Variants in SLC4A10 observed in about 807,000 individuals in gnomAD.
SLC4A10 encodes the protein solute carrier family 4 member 10.
SLC4A10 carries 42 observed loss-of-function variants against 137.7 expected under a neutral mutation model. The observed-to-expected ratio is 0.30, with a 90% CI of 0.24 to 0.39. SLC4A10 has a LOEUF of 0.39. Ranked by LOEUF, SLC4A10 falls within the 10% of genes least tolerant of loss-of-function variation. The probability of loss-of-function intolerance (pLI) is 1.00; values close to 1 mark genes in which losing one functional copy is unlikely to be tolerated. For missense variants in SLC4A10, 925 were observed against 1,355.0 expected (o/e 0.68, Z 4.98); for synonymous variants, 474 against 464.1 (o/e 1.02, Z -0.27).
At chr2:161,801,956 A>T (rs183879036) in intron 2 of SLC4A10, among the ~76,000 whole-genome samples, 115 of 152,254 alleles carry the variant, frequency 7.6e-4, no homozygotes, top group Non-Finnish European at 1.5e-3. Context: ...TGTTTCTCAC[A>T]TAATATAACT....
intron 1 of SLC4A10, among the ~76,000 whole-genome samples, chr2:161,767,645 T>C (rs1056358878): frequency 2.0e-5 from 3 of 152,012 alleles, no homozygotes. Flanking sequence ...TTTGCCTTGG[T>C]CATCTGAAAT....
intron 1 of SLC4A10, among the ~76,000 whole-genome samples, chr2:161,731,148 G>A (rs908136662): frequency 6.6e-6 from 1 of 152,144 alleles, no homozygotes; most frequent in Non-Finnish European, 1.5e-5. Flanking sequence ...TAGGTATTCT[G>A]AGAGTAAATG....
At chr2:161,886,735 G>GA (rs1480412367) in intron 10 of SLC4A10, among the ~76,000 whole-genome samples, 3 of 151,880 alleles carry the variant, frequency 2.0e-5, no homozygotes, top group Non-Finnish European at 4.4e-5. Context: ...CAATCAGGAA[G>GA]AAAAAAATTG....
intron 1 of SLC4A10, among the ~76,000 whole-genome samples, chr2:161,663,529 A>G (rs557450169): frequency 1.3e-5 from 2 of 152,202 alleles, no homozygotes; most frequent in East Asian, 3.9e-4. Flanking sequence ...ATTATCAAAC[A>G]CTCCCTTTTA....
intron 1 of SLC4A10, among the ~76,000 whole-genome samples, chr2:161,766,586 G>A (rs1022947393): frequency 3.3e-5 from 5 of 152,022 alleles, no homozygotes; most frequent in African/African-American, 1.2e-4. Context: ...GCACCTCAGA[G>A]GGCAGAGATT....
At chr2:161,631,790 T>C (rs1008186328) in intron 1 of SLC4A10, among the ~76,000 whole-genome samples, 2 of 151,710 alleles carry the variant, frequency 1.3e-5, no homozygotes, top group South Asian at 2.1e-4. Context: ...CAAATTCATG[T>C]TGAATTCCAA....
chr2:161,788,100 G>T (rs1229361562), intron 2 of SLC4A10, among the ~76,000 whole-genome samples: 2 of 150,866 alleles, frequency 1.3e-5, no homozygotes, highest in African/African-American at 4.9e-5. Context: ...TCCCTTGAGG[G>T]TATGACTGTG....
chr2:161,854,502 C>T (rs2059994346), intron 4 of SLC4A10, among the ~76,000 whole-genome samples: 1 of 152,036 alleles, frequency 6.6e-6, no homozygotes, highest in African/African-American at 2.4e-5. Context: ...ATGCAACAGG[C>T]CCCTAATTAT....
chr2:161,649,026 C>A (rs1327490306), intron 1 of SLC4A10, among the ~76,000 whole-genome samples: 1 of 152,020 alleles, frequency 6.6e-6, no homozygotes, highest in African/African-American at 2.4e-5. Flanking sequence ...AATTTTTATG[C>A]AGTTTTTGAG....
At chr2:161,971,242 G>A (rs1698470477) in intron 23 of SLC4A10, among the ~76,000 whole-genome samples, 2 of 152,174 alleles carry the variant, frequency 1.3e-5, no homozygotes, top group Admixed American at 1.3e-4. Flanking sequence ...GAGTAGATTT[G>A]TTTTTCTAAG....
Position 161,796,051 on chromosome 2 carries a change from C to A in SLC4A10, c.131-8398C>A, listed in dbSNP as rs75805347. 3.3e-5 allele frequency among the ~76,000 whole-genome samples: 5 copies of A among 152,120 alleles called. No homozygotes were observed. In the East Asian group the frequency reaches 9.7e-4, roughly 29 times the overall value. ...GATTCTTGGTTCTTAATTTGCCTGC[C>A]CATTGAGATATTGGTCATAAGTTAA... On this transcript the variant is annotated intron_variant, in intron 2 of 26. Coordinates refer to ENST00000446997, the MANE Select transcript of SLC4A10 (RefSeq NM_001178015.2).
chr2:161,883,960 A>T (rs1006393368), intron 10 of SLC4A10, among the ~76,000 whole-genome samples: 2 of 152,132 alleles, frequency 1.3e-5, no homozygotes, highest in African/African-American at 4.8e-5. Context: ...ATAAGGCCAC[A>T]TTCTGCGGCT....
At position 161,983,194 on chromosome 2, in the gene SLC4A10, A is replaced by G. The variant is rs1454612708; in HGVS notation, c.*42A>G. On this transcript the variant is annotated 3_prime_UTR_variant, in exon 27 of 27. Coordinates refer to ENST00000446997, the MANE Select transcript of SLC4A10 (RefSeq NM_001178015.2). ...CCTTCTGTAGCATTGAAAGCCGAAA[A>G]GAGAAGAAAGCTGACTCAGGGAAAG... The G allele has an allele frequency of 6.5e-7, 1 of 1,536,792 alleles. No homozygotes were observed. Among genetic ancestry groups the G allele is most frequent in the Non-Finnish European group, 8.7e-7 (1 of 1,147,038 alleles).
intron 16 of SLC4A10, among the ~76,000 whole-genome samples, chr2:161,945,302 A>G (rs1285726035): frequency 6.7e-6 from 1 of 148,862 alleles, no homozygotes; most frequent in Non-Finnish European, 1.5e-5. Flanking sequence ...ATTCATAAGC[A>G]GTTAACCAGC....
intron 20 of SLC4A10, 78 bp downstream of exon 20, chr2:161,957,318 C>A: frequency 2.7e-6 from 4 of 1,467,276 alleles, no homozygotes; most frequent in Non-Finnish European, 3.7e-6. Flanking sequence ...GAATCTGAGC[C>A]ATAAATTTGC....
intron 10 of SLC4A10, among the ~76,000 whole-genome samples, chr2:161,889,394 T>A (rs1343020434): frequency 6.6e-6 from 1 of 152,214 alleles, no homozygotes; most frequent in Non-Finnish European, 1.5e-5. Context: ...AGAATTCGGC[T>A]ATGAATCCAT....
At chr2:161,902,491 G>GT (rs1159705928) in intron 12 of SLC4A10, among the ~76,000 whole-genome samples, 1 of 152,056 alleles carries the variant, frequency 6.6e-6, no homozygotes, top group Non-Finnish European at 1.5e-5. Flanking sequence ...AAGTGCATAT[G>GT]TTTTACCAAA....
chr2:161,823,325 G>A (rs191967819), intron 3 of SLC4A10, among the ~76,000 whole-genome samples: 7 of 152,328 alleles, frequency 4.6e-5, no homozygotes, highest in Admixed American at 4.6e-4. Context: ...TAATAATGTT[G>A]TAGCCACTTG....
chr2:161,641,328 A>G (rs971160008), intron 1 of SLC4A10, among the ~76,000 whole-genome samples: 4 of 152,202 alleles, frequency 2.6e-5, no homozygotes, highest in Admixed American at 2.0e-4. Flanking sequence ...CATCAAAACC[A>G]TGTTGAAGAA....
Sources: gnomAD v4.1 joint callset for allele counts (sites outside exome capture counted in the v4.1 genomes callset) on GRCh38, gnomAD v4.1.1 for gene constraint, MANE v1.5 for transcripts, NCBI Gene and HGNC (gene_info 2026-07-23, HGNC 2026-07-21) for gene names.